The following MED13L variants were observed in gnomAD, a reference collection of about 807,000 sequenced individuals.
MED13L encodes mediator complex subunit 13L.
In MED13L, 7 loss-of-function variants were observed where a neutral mutation model predicts 220.9. That is an observed-to-expected ratio of 0.03 (90% CI 0.02 to 0.06). The LOEUF (loss-of-function observed/expected upper bound fraction) is 0.06. Ranked by LOEUF, MED13L falls within the 10% of genes least tolerant of loss-of-function variation. The pLI, the probability that MED13L is intolerant of heterozygous loss-of-function variation, is 1.00. For synonymous variants in MED13L, 1,011 were observed against 1,015.2 expected (o/e 1.00, Z 0.08); for missense variants, 1,965 against 2,760.5 (o/e 0.71, Z 6.46).
intron 2 of MED13L, among the ~76,000 whole-genome samples, chr12:116,130,477 T>C (rs966401246): frequency 1.2e-4 from 19 of 152,342 alleles, no homozygotes; most frequent in African/African-American, 4.6e-4. Context: ...AAGGTAACGG[T>C]ATCATAAACT....
At chr12:116,165,627 GC>G (rs951289760) in intron 2 of MED13L, among the ~76,000 whole-genome samples, 28 of 151,974 alleles carry the variant, frequency 1.8e-4, no homozygotes, top group Admixed American at 1.7e-3. Context: ...ACCGCACCTG[GC>G]CTGCCTATGT....
intron 1 of MED13L, among the ~76,000 whole-genome samples, chr12:116,272,291 A>C (rs995389941): frequency 6.6e-6 from 1 of 152,112 alleles, no homozygotes; most frequent in South Asian, 2.1e-4. Flanking sequence ...GGCCGGGCGC[A>C]GTGGCTCATG....
intron 28 of MED13L, among the ~76,000 whole-genome samples, chr12:115,967,644 G>A (rs573571756): frequency 6.6e-6 from 1 of 152,298 alleles, no homozygotes; most frequent in African/African-American, 2.4e-5. Flanking sequence ...AGGTAACTCA[G>A]GCTAAGAGAG....
At chr12:115,995,463 G>C (rs562368230) in intron 16 of MED13L, among the ~76,000 whole-genome samples, 13 of 151,970 alleles carry the variant, frequency 8.6e-5, no homozygotes, top group Non-Finnish European at 1.6e-4. Flanking sequence ...TTGCTCTGTC[G>C]ACCAGGCTGG....
At chr12:116,274,440 C>G (rs1873649113) in intron 1 of MED13L, among the ~76,000 whole-genome samples, 1 of 149,262 alleles carries the variant, frequency 6.7e-6, no homozygotes, top group Non-Finnish European at 1.5e-5. Context: ...AAAAAAAAAC[C>G]CTGCAGGCCA....
Position 115,991,919 on chromosome 12 carries a change from T to C in MED13L, c.3035A>G (p.Tyr1012Cys), listed in dbSNP as rs377437927. The C allele has an allele frequency of 1.9e-6, 3 of 1,600,220 alleles. No individual in the cohort carries two copies. The highest frequency in any genetic ancestry group is 2.2e-5 in the East Asian group (1 of 44,834). ...PSVGSLADPD[Y>C]LNTPQMNTPV... ...TGTGTTCATCTGTGGTGTGTTCAGA[T>C]AGTCTGGATCTGCTAGGCTCCCAAC... The change falls in exon 17 of 31, where the codon TAT becomes TGT. Residue 1012 changes from tyrosine to cysteine, a missense_variant. Coordinates refer to ENST00000281928, the MANE Select transcript of MED13L (RefSeq NM_015335.5). This position sits in a 1 kb window ranked among gnomAD's most constrained non-coding sequence, Gnocchi z 7.7.
intron 2 of MED13L, among the ~76,000 whole-genome samples, chr12:116,138,099 G>A (rs540849556): frequency 1.8e-4 from 28 of 151,754 alleles, no homozygotes; most frequent in African/African-American, 5.6e-4. Flanking sequence ...CAGGCAATCC[G>A]CCCGCCTCAG....
chr12:116,158,876 T>C (rs1878646162), intron 2 of MED13L, among the ~76,000 whole-genome samples: 1 of 152,294 alleles, frequency 6.6e-6, no homozygotes, highest in Admixed American at 6.5e-5. Context: ...AAAGCTGAAG[T>C]AACCTCACGT....
At chr12:116,016,847 G>A (rs1015813337) in intron 7 of MED13L, among the ~76,000 whole-genome samples, 6 of 152,252 alleles carry the variant, frequency 3.9e-5, no homozygotes, top group South Asian at 4.1e-4. Flanking sequence ...TCCAAATAAG[G>A]TATGAGTAAT....
intron 4 of MED13L, among the ~76,000 whole-genome samples, chr12:116,056,143 G>T (rs1320974860): frequency 6.6e-6 from 1 of 152,142 alleles, no homozygotes; most frequent in Non-Finnish European, 1.5e-5. Context: ...CATTCTGAGT[G>T]ATACAGGAAG....
chr12:116,031,712 AAAG>A (rs1328940751), intron 4 of MED13L, among the ~76,000 whole-genome samples: 1 of 71,110 alleles, frequency 1.4e-5, no homozygotes, highest in Non-Finnish European at 2.6e-5. Context: ...AAAGAAAAGA[AAAG>A]AAAAGAAAAG....
rs1031213512 is a variant in MED13L at position 115,960,187 on chromosome 12, T to A, written c.*1079A>T. The A allele has an allele frequency of 2.6e-5, 4 of 152,628 alleles. No individual in the cohort carries two copies. The highest frequency in any genetic ancestry group is 5.9e-5 in the Non-Finnish European group (4 of 68,044). 9.5% of individuals were successfully genotyped at this position (152,628 alleles called of 1,614,324 possible). On this transcript the variant is annotated 3_prime_UTR_variant, in exon 31 of 31. Coordinates refer to ENST00000281928, the MANE Select transcript of MED13L (RefSeq NM_015335.5). ...TAATATTCCTATGGTCCAGAAAAAA[T>A]TCACCATATTTATAACTGATTTCAT...
intron 4 of MED13L, among the ~76,000 whole-genome samples, chr12:116,064,432 C>A (rs1407011101): frequency 6.6e-6 from 1 of 152,044 alleles, no homozygotes; most frequent in Admixed American, 6.6e-5. Flanking sequence ...AGGCAGAACC[C>A]ACCGATATGG....
At chr12:116,143,603 C>T (rs1410627536) in intron 2 of MED13L, among the ~76,000 whole-genome samples, 1 of 152,180 alleles carries the variant, frequency 6.6e-6, no homozygotes, top group Non-Finnish European at 1.5e-5. Context: ...AGAGCTGACT[C>T]ATTTCCGTTA....
At chr12:116,131,290 T>C (rs747883390) in intron 2 of MED13L, among the ~76,000 whole-genome samples, 3 of 152,228 alleles carry the variant, frequency 2.0e-5, no homozygotes, top group Non-Finnish European at 4.4e-5. Context: ...ATAATCCATA[T>C]TGTATGTGCC....
At chr12:116,143,132 TA>T (rs908968220) in intron 2 of MED13L, among the ~76,000 whole-genome samples, 1 of 152,178 alleles carries the variant, frequency 6.6e-6, no homozygotes, top group African/African-American at 2.4e-5. Context: ...AGATTTGGTT[TA>T]TTTTCTTTAC....
chr12:116,038,671 TG>T (rs1476067862), intron 4 of MED13L, among the ~76,000 whole-genome samples: 5 of 134,190 alleles, frequency 3.7e-5, no homozygotes, highest in Non-Finnish European at 6.1e-5. Context: ...GTAAAACAGA[TG>T]GAAGTTCCAA....
intron 2 of MED13L, among the ~76,000 whole-genome samples, chr12:116,214,222 T>C (rs1882873191): frequency 6.6e-6 from 1 of 152,332 alleles, no homozygotes; most frequent in Middle Eastern, 3.4e-3. Context: ...CTTTTCACTT[T>C]TTCATCGACA....
chr12:116,138,111 C>A (rs559536983), intron 2 of MED13L, among the ~76,000 whole-genome samples: 2 of 152,312 alleles, frequency 1.3e-5, no homozygotes, highest in Admixed American at 1.3e-4. Context: ...CCGCCTCAGC[C>A]TCCCAAAGTG....
Sources: gnomAD v4.1 joint callset for allele counts (sites outside exome capture counted in the v4.1 genomes callset) on GRCh38, gnomAD v4.1.1 for gene constraint, Gnocchi (gnomAD v3.1) non-coding constraint, MANE v1.5 for transcripts, NCBI Gene and HGNC (gene_info 2026-07-23, HGNC 2026-07-21) for gene names.